DLG2: variants seen among roughly 807,000 people sequenced by gnomAD.
DLG2 encodes disks large homolog 2.
In DLG2, 45 loss-of-function variants were observed where a neutral mutation model predicts 132.5. That is an observed-to-expected ratio of 0.34 (90% CI 0.27 to 0.44). The LOEUF is 0.44. DLG2 is among the 20% of genes least tolerant of loss of function. The probability of loss-of-function intolerance (pLI) is 1.00; values close to 1 mark genes in which losing one functional copy is unlikely to be tolerated. For synonymous variants in DLG2, 424 were observed against 419.6 expected (o/e 1.01, Z -0.13); for missense variants, 1,045 against 1,196.9 (o/e 0.87, Z 1.87).
At position 84,640,761 on chromosome 11, in the gene DLG2, G is replaced by A. The variant is rs192914006; in HGVS notation, c.358-106030C>T. On this transcript the variant is annotated intron_variant, in intron 6 of 27. Transcript: ENST00000376104. Reference sequence around the variant, plus strand: ...TCAAGACCAGCCTGACCAACGTGGTGAAACCCCATCTCTACTAAAAATGCA... The same window carrying A: ...TCAAGACCAGCCTGACCAACGTGGTAAAACCCCATCTCTACTAAAAATGCA... 9.9e-5 allele frequency among the ~76,000 whole-genome samples: 15 copies of A among 152,184 alleles called. No individual in the cohort carries two copies. In the East Asian group the frequency reaches 2.5e-3, roughly 26 times the overall value.
chr11:84,988,833 C>T (rs767918669), intron 6 of DLG2, among the ~76,000 whole-genome samples: 10 of 151,970 alleles, frequency 6.6e-5, no homozygotes, highest in Non-Finnish European at 1.3e-4. Flanking sequence ...AACTTACTCA[C>T]GTAACCAGAC....
At chr11:85,258,909 A>G (rs2076799492) in intron 4 of DLG2, among the ~76,000 whole-genome samples, 1 of 152,192 alleles carries the variant, frequency 6.6e-6, no homozygotes, top group African/African-American at 2.4e-5. Flanking sequence ...TCTACATTTA[A>G]TCTCATTTAA....
chr11:84,215,367 A>G (rs1375205256), intron 8 of DLG2, among the ~76,000 whole-genome samples: 1 of 152,130 alleles, frequency 6.6e-6, no homozygotes, highest in Non-Finnish European at 1.5e-5. Context: ...TGGATTAATC[A>G]GGATAGGCTA....
chr11:84,898,567 A>G (rs1488129311), intron 6 of DLG2, among the ~76,000 whole-genome samples: 2 of 151,960 alleles, frequency 1.3e-5, no homozygotes, highest in Non-Finnish European at 2.9e-5. Context: ...CCAAATTTAG[A>G]ATTATTTCTG....
chr11:85,106,599 T>G (rs2071794693), intron 6 of DLG2, among the ~76,000 whole-genome samples: 1 of 152,058 alleles, frequency 6.6e-6, no homozygotes, highest in Non-Finnish European at 1.5e-5. Flanking sequence ...CTTTTCTTTC[T>G]TTCCTTCTAG....
intron 17 of DLG2, among the ~76,000 whole-genome samples, chr11:83,822,768 A>G (rs1372795414): frequency 1.3e-5 from 2 of 152,134 alleles, no homozygotes; most frequent in African/African-American, 4.8e-5. Context: ...TTTCTCCAAT[A>G]AATTCTTTTT....
intron 3 of DLG2, among the ~76,000 whole-genome samples, chr11:85,501,856 G>C (rs1470030335): frequency 2.0e-5 from 3 of 152,170 alleles, no homozygotes; most frequent in Admixed American, 6.6e-5. Context: ...GGAAGACAGT[G>C]TGGCAATTCT....
intron 19 of DLG2, among the ~76,000 whole-genome samples, chr11:83,627,872 C>T (rs986598401): frequency 6.6e-6 from 1 of 152,120 alleles, no homozygotes; most frequent in African/African-American, 2.4e-5. Flanking sequence ...CTCTCCAGCA[C>T]CTGTTGTTTC....
chr11:83,708,842 G>T (rs1053654565), intron 18 of DLG2, among the ~76,000 whole-genome samples: 6 of 152,174 alleles, frequency 3.9e-5, no homozygotes, highest in Non-Finnish European at 7.3e-5. Flanking sequence ...TGTAGGCTTA[G>T]TGGGTATTCT....
At chr11:85,554,427 T>C (rs1246975740) in intron 3 of DLG2, among the ~76,000 whole-genome samples, 1 of 151,812 alleles carries the variant, frequency 6.6e-6, no homozygotes, top group Non-Finnish European at 1.5e-5. Context: ...ATAATTGAAA[T>C]TGCCTTAGCA....
chr11:83,702,650 A>G (rs77744298), intron 18 of DLG2, among the ~76,000 whole-genome samples: 2,513 of 152,318 alleles, frequency 0.016, 62 homozygotes, highest in African/African-American at 0.055. Flanking sequence ...GCCCAGAGAA[A>G]GCTCTAATTC....
intron 6 of DLG2, among the ~76,000 whole-genome samples, chr11:84,970,247 A>G (rs2053900317): frequency 6.6e-6 from 1 of 152,100 alleles, no homozygotes; most frequent in African/African-American, 2.4e-5. Context: ...GTAGTTGAAG[A>G]CAATCTCACC....
chr11:84,888,979 A>T (rs1304561611), intron 6 of DLG2, among the ~76,000 whole-genome samples: 2 of 152,198 alleles, frequency 1.3e-5, no homozygotes, highest in African/African-American at 4.8e-5. Context: ...ATTGAATATT[A>T]ATGTCTTCCA....
At chr11:85,060,037 T>G (rs140766447) in intron 6 of DLG2, among the ~76,000 whole-genome samples, 25 of 151,732 alleles carry the variant, frequency 1.6e-4, no homozygotes, top group African/African-American at 5.3e-4. Flanking sequence ...GTACAGTAGA[T>G]CTGTAGAACT....
chr11:84,462,753 A>G (rs1388091440), intron 7 of DLG2, among the ~76,000 whole-genome samples: 1 of 151,116 alleles, frequency 6.6e-6, no homozygotes, highest in Non-Finnish European at 1.5e-5. Flanking sequence ...ACAAAAATTC[A>G]ATAACATGTC....
At chr11:84,475,636 G>A (rs918439938) in intron 7 of DLG2, among the ~76,000 whole-genome samples, 19 of 152,078 alleles carry the variant, frequency 1.2e-4, no homozygotes, top group Admixed American at 1.1e-3. Context: ...TAGATATCAT[G>A]CTACAAATCA....
intron 8 of DLG2, among the ~76,000 whole-genome samples, chr11:84,169,430 C>T (rs2095760143): frequency 6.6e-6 from 1 of 152,174 alleles, no homozygotes; most frequent in Non-Finnish European, 1.5e-5. Context: ...TAATACATAA[C>T]TTAAGCAAAC....
At chr11:84,458,062 G>A (rs531561958) in intron 7 of DLG2, among the ~76,000 whole-genome samples, 2 of 150,694 alleles carry the variant, frequency 1.3e-5, no homozygotes, top group Non-Finnish European at 1.5e-5. Context: ...AGATATAGAC[G>A]CAGATGTAGA....
chr11:85,149,527 A>G (rs2077088504), intron 5 of DLG2, among the ~76,000 whole-genome samples: 1 of 152,180 alleles, frequency 6.6e-6, no homozygotes, highest in South Asian at 2.1e-4. Context: ...CACTTTGAAA[A>G]TCACTGAACT....
Sources: gnomAD v4.1 joint callset for allele counts (sites outside exome capture counted in the v4.1 genomes callset) on GRCh38, gnomAD v4.1.1 for gene constraint, MANE v1.5 for transcripts, NCBI Gene and HGNC (gene_info 2026-07-23, HGNC 2026-07-21) for gene names.